Variants in RBFOX1 observed in about 807,000 individuals in gnomAD.
RBFOX1 encodes the protein RNA binding fox-1 homolog 1.
Under a neutral mutation model 57.7 loss-of-function variants are expected in RBFOX1, and 8 were observed. That is an observed-to-expected ratio of 0.14 (90% confidence interval 0.08 to 0.25). The LOEUF is 0.25. Ranked by LOEUF, RBFOX1 falls within the 10% of genes least tolerant of loss-of-function variation. The probability of loss-of-function intolerance (pLI) is 1.00; values close to 1 mark genes in which losing one functional copy is unlikely to be tolerated. For synonymous variants in RBFOX1, 326 were observed against 222.4 expected (o/e 1.47, Z -4.15); for missense variants, 611 against 548.5 (o/e 1.11, Z -1.14).
intron 3 of RBFOX1, among the ~76,000 whole-genome samples, chr16:6,873,063 G>A (rs1418648419): frequency 6.6e-6 from 1 of 151,476 alleles, no homozygotes; most frequent in Non-Finnish European, 1.5e-5. Flanking sequence ...GCTATGCAAA[G>A]CCACCCAAAC....
chr16:6,520,533 G>T (rs2096478028), intron 2 of RBFOX1, among the ~76,000 whole-genome samples: 1 of 150,204 alleles, frequency 6.7e-6, no homozygotes. Context: ...ATATCAGTGG[G>T]ACTATTTGTT....
chr16:7,372,887 C>G (rs1382360285), intron 4 of RBFOX1, among the ~76,000 whole-genome samples: 1 of 151,692 alleles, frequency 6.6e-6, no homozygotes, highest in Non-Finnish European at 1.5e-5. Context: ...TATATTTGAG[C>G]TTTTCTATAG....
intron 3 of RBFOX1, among the ~76,000 whole-genome samples, chr16:5,834,577 C>CATAGATAGATAGATAGATAGATAGATAG: frequency 6.8e-6 from 1 of 147,494 alleles, no homozygotes; most frequent in South Asian, 2.2e-4. Context: ...GTGCATGTGT[C>CATAGATAGATAGATAGATAGATAGATAG]ATAGATAGAT....
chr16:5,249,232 C>T (rs889977403), intron 1 of RBFOX1, among the ~76,000 whole-genome samples: 1 of 152,140 alleles, frequency 6.6e-6, no homozygotes, highest in Non-Finnish European at 1.5e-5. Flanking sequence ...CTGTGTGGCA[C>T]CCTGTTCTGG....
At chr16:5,697,500 G>A (rs1286518579) in intron 3 of RBFOX1, among the ~76,000 whole-genome samples, 1 of 150,240 alleles carries the variant, frequency 6.7e-6, no homozygotes, top group Non-Finnish European at 1.5e-5. Context: ...GATGAATAAA[G>A]GTAGTAGTTG....
intron 2 of RBFOX1, among the ~76,000 whole-genome samples, chr16:5,554,865 A>G (rs1597503455): frequency 6.6e-6 from 1 of 152,164 alleles, no homozygotes; most frequent in Admixed American, 6.5e-5. Flanking sequence ...GTTGTCTCCA[A>G]TGTCACGGGC....
At chr16:6,873,375 C>A (rs1468470070) in intron 3 of RBFOX1, among the ~76,000 whole-genome samples, 5 of 152,174 alleles carry the variant, frequency 3.3e-5, no homozygotes, top group Non-Finnish European at 7.4e-5. Flanking sequence ...TAATTTAGGT[C>A]TTTGAGTTAT....
rs1279767816 is a variant in RBFOX1 at position 5,911,525 on chromosome 16, C to A, written c.351+44190C>A. ...GCTCGGCTGTAAAAGAGCTGGTGTA[C>A]GTTATGAGTCTTCAACGCCTTGTTC... On this transcript the variant is annotated intron_variant, in intron 4 of 19. Coordinates refer to the RBFOX1 transcript ENST00000641259. Among the ~76,000 whole-genome samples the A allele has an allele frequency of 3.3e-5, 5 of 152,224 alleles. No homozygotes were observed. The South Asian group carries it at 6.2e-4, about 19-fold the overall frequency.
chr16:6,648,949 A>AT (rs1199738748), intron 2 of RBFOX1, among the ~76,000 whole-genome samples: 2 of 152,136 alleles, frequency 1.3e-5, no homozygotes, highest in Non-Finnish European at 2.9e-5. Context: ...TCACAACGTC[A>AT]TTTTTTTGTG....
chr16:6,823,445 T>A (rs1415935235), intron 3 of RBFOX1, among the ~76,000 whole-genome samples: 1 of 152,020 alleles, frequency 6.6e-6, no homozygotes, highest in Non-Finnish European at 1.5e-5. Context: ...TTAATAGAGA[T>A]GGGGTTTTGC....
chr16:6,104,841 G>T (rs901858758), intron 1 of RBFOX1, among the ~76,000 whole-genome samples: 2 of 152,206 alleles, frequency 1.3e-5, no homozygotes, highest in Non-Finnish European at 2.9e-5. Context: ...AGCTGCAAAA[G>T]ACTACTTATT....
At chr16:7,092,526 G>T (rs1196559989) in intron 4 of RBFOX1, among the ~76,000 whole-genome samples, 1 of 152,176 alleles carries the variant, frequency 6.6e-6, no homozygotes, top group African/African-American at 2.4e-5. Context: ...GGCGATTCCA[G>T]AACTTATTTA....
At chr16:7,165,260 C>T (rs2079181401) in intron 4 of RBFOX1, among the ~76,000 whole-genome samples, 1 of 151,896 alleles carries the variant, frequency 6.6e-6, no homozygotes. Context: ...CTCCAAGATG[C>T]CTAAGCAAGG....
intron 4 of RBFOX1, among the ~76,000 whole-genome samples, chr16:7,138,449 C>T (rs1011784395): frequency 3.3e-5 from 5 of 152,114 alleles, no homozygotes; most frequent in African/African-American, 7.2e-5. Flanking sequence ...CAAGGATGCT[C>T]AAAGCACCAG....
At chr16:6,880,745 A>G (rs1268016675) in intron 3 of RBFOX1, among the ~76,000 whole-genome samples, 1 of 152,166 alleles carries the variant, frequency 6.6e-6, no homozygotes, top group Non-Finnish European at 1.5e-5. Flanking sequence ...TTATGATTGT[A>G]TTTGATTGCG....
chr16:7,681,841 C>G (rs1283109338), intron 14 of RBFOX1, among the ~76,000 whole-genome samples: 1 of 152,072 alleles, frequency 6.6e-6, no homozygotes, highest in Non-Finnish European at 1.5e-5. Flanking sequence ...GTCCTCTTAT[C>G]TGAACCAAGT....
At chr16:7,125,922 A>T (rs1424783586) in intron 4 of RBFOX1, among the ~76,000 whole-genome samples, 1 of 152,110 alleles carries the variant, frequency 6.6e-6, no homozygotes, top group African/African-American at 2.4e-5. Flanking sequence ...ATCTCTACTA[A>T]AAATACAAAA....
chr16:7,669,408 A>G (rs1420188934), intron 13 of RBFOX1, among the ~76,000 whole-genome samples: 1 of 152,240 alleles, frequency 6.6e-6, no homozygotes, highest in African/African-American at 2.4e-5. Flanking sequence ...GAATTGACAA[A>G]CGGATAGAAA....
At chr16:6,389,980 C>G (rs1428028690) in intron 2 of RBFOX1, among the ~76,000 whole-genome samples, 2 of 152,090 alleles carry the variant, frequency 1.3e-5, no homozygotes, top group Non-Finnish European at 2.9e-5. Flanking sequence ...GACTTGTAAG[C>G]CATTAGGAAG....
Sources: gnomAD v4.1 joint callset for allele counts (sites outside exome capture counted in the v4.1 genomes callset) on GRCh38, gnomAD v4.1.1 for gene constraint, MANE v1.5 for transcripts, NCBI Gene and HGNC (gene_info 2026-07-23, HGNC 2026-07-21) for gene names.